Variants in SMIM31 observed in about 807,000 individuals in gnomAD.
SMIM31 encodes the protein human epithelial cell program regulator.
chr4:164,802,564 A>G lies in SMIM31; in HGVS notation c.*1370A>G, dbSNP rs2110972128. 6.6e-6 allele frequency: 1 copy of G among 152,306 alleles called. No homozygotes were observed. The highest frequency in any genetic ancestry group is 3.4e-3 in the Middle Eastern group (1 of 294). 9.4% of individuals were successfully genotyped at this position (152,306 alleles called of 1,614,324 possible). On this transcript the variant is annotated 3_prime_UTR_variant, in exon 3 of 3. Coordinates refer to ENST00000507311, the MANE Select transcript of SMIM31 (RefSeq NM_001352885.1). The stretch of plus-strand genomic sequence containing the variant: ...TATTTATAACTCTTACAAACATTAA[A>G]CCATCACAATCAATGCTGGCAGCAT...
At chr4:164,790,215 T>C (rs72990469) in intron 2 of SMIM31, among the ~76,000 whole-genome samples, 28,242 of 152,176 alleles carry the variant, frequency 0.19, 2,885 homozygotes, top group African/African-American at 0.28. Flanking sequence ...CTATGATGAC[T>C]AAAACACCTA....
rs539114546 is a variant in SMIM31, at chr4:164,766,025, C to T, written c.-25-4394C>T. 1.9e-3 allele frequency among the ~76,000 whole-genome samples: 283 copies of T among 152,202 alleles called. 2 individuals carry two copies. Among genetic ancestry groups the T allele is most frequent in the African/African-American group, 6.5e-3 (269 of 41,526 alleles). ...CAATCATAACAGCACTCAAGGGAGCCGCGAGAGAATGAACGGATGGTGCAC... is the reference window on the plus strand; with the variant it reads ...CAATCATAACAGCACTCAAGGGAGCTGCGAGAGAATGAACGGATGGTGCAC... On this transcript the variant is annotated intron_variant, in intron 1 of 2. Transcript: ENST00000507311.
At chr4:164,772,956 G>A (rs1211489224) in intron 2 of SMIM31, among the ~76,000 whole-genome samples, 2 of 143,716 alleles carry the variant, frequency 1.4e-5, no homozygotes, top group Non-Finnish European at 3.0e-5. Flanking sequence ...CCAGCTTATA[G>A]GACTCCAGAA....
intron 2 of SMIM31, among the ~76,000 whole-genome samples, chr4:164,793,211 G>A (rs1733128994): frequency 6.6e-6 from 1 of 152,188 alleles, no homozygotes; most frequent in African/African-American, 2.4e-5. Context: ...GAGACTAACG[G>A]AGTGAGGAGG....
intron 1 of SMIM31, among the ~76,000 whole-genome samples, chr4:164,759,427 A>G (rs1160413819): frequency 1.3e-5 from 2 of 152,190 alleles, no homozygotes; most frequent in Non-Finnish European, 2.9e-5. Context: ...TATGTTACAT[A>G]TGTTAATTTA....
intron 2 of SMIM31, among the ~76,000 whole-genome samples, chr4:164,794,070 C>T (rs1733143380): frequency 6.6e-6 from 1 of 152,132 alleles, no homozygotes; most frequent in African/African-American, 2.4e-5. Context: ...TTGAAAGCCA[C>T]AATCAACAGG....
chr4:164,775,791 C>A (rs1732873756), intron 2 of SMIM31, among the ~76,000 whole-genome samples: 1 of 152,178 alleles, frequency 6.6e-6, no homozygotes, highest in African/African-American at 2.4e-5. Flanking sequence ...TCATTAGGGG[C>A]TCTAGCTCAG....
intron 1 of SMIM31, among the ~76,000 whole-genome samples, chr4:164,769,370 A>G (rs1238729178): frequency 6.6e-6 from 1 of 152,114 alleles, no homozygotes; most frequent in Admixed American, 6.5e-5. Flanking sequence ...TCCTTTGCTT[A>G]ACCCATTGTA....
At chr4:164,770,104 T>G (rs971457866) in intron 1 of SMIM31, among the ~76,000 whole-genome samples, 2 of 152,230 alleles carry the variant, frequency 1.3e-5, no homozygotes, top group African/African-American at 4.8e-5. Flanking sequence ...AAGTGCTCAT[T>G]GCACGTCAGC....
intron 2 of SMIM31, among the ~76,000 whole-genome samples, chr4:164,778,785 G>T (rs1222112027): frequency 6.6e-6 from 1 of 152,150 alleles, no homozygotes; most frequent in African/African-American, 2.4e-5. Flanking sequence ...TGAGTGTGAA[G>T]ATGGGAACTG....
At chr4:164,758,221 A>G (rs1192673651) in intron 1 of SMIM31, among the ~76,000 whole-genome samples, 3 of 152,156 alleles carry the variant, frequency 2.0e-5, no homozygotes, top group African/African-American at 7.2e-5. Flanking sequence ...GTTTTTCAAT[A>G]TTGACTTTGT....
chr4:164,779,256 C>T (rs116310166), intron 2 of SMIM31, among the ~76,000 whole-genome samples: 5,275 of 152,258 alleles, frequency 0.035, 120 homozygotes, highest in Non-Finnish European at 0.058. Flanking sequence ...ATTTCCGTAG[C>T]GTGTGGCTAA....
intron 2 of SMIM31, among the ~76,000 whole-genome samples, chr4:164,791,565 G>A (rs1329738493): frequency 6.6e-6 from 1 of 152,030 alleles, no homozygotes; most frequent in African/African-American, 2.4e-5. Context: ...CGAACTCCTA[G>A]GCTCAAGCAA....
chr4:164,762,922 C>T (rs1235938641), intron 1 of SMIM31, among the ~76,000 whole-genome samples: 1 of 152,068 alleles, frequency 6.6e-6, no homozygotes, highest in Non-Finnish European at 1.5e-5. Flanking sequence ...TTCATGCTCT[C>T]CTTGGGCAAA....
At chr4:164,758,441 G>A (rs1560822315) in intron 1 of SMIM31, among the ~76,000 whole-genome samples, 1 of 151,958 alleles carries the variant, frequency 6.6e-6, no homozygotes, top group Admixed American at 6.6e-5. Context: ...TTGTTGCTTC[G>A]GGGCAAAGGA....
chr4:164,793,768 G>A (rs1382496651), intron 2 of SMIM31, among the ~76,000 whole-genome samples: 1 of 152,148 alleles, frequency 6.6e-6, no homozygotes, highest in East Asian at 1.9e-4. Context: ...CACACACTAG[G>A]GGTTAGGGCT....
chr4:164,782,527 C>T (rs1732967266), intron 2 of SMIM31, among the ~76,000 whole-genome samples: 1 of 149,628 alleles, frequency 6.7e-6, no homozygotes, highest in South Asian at 2.1e-4. Flanking sequence ...TACAGGCGCC[C>T]CCCACCACGC....
At chr4:164,762,416 T>C (rs537318662) in intron 1 of SMIM31, among the ~76,000 whole-genome samples, 2 of 152,030 alleles carry the variant, frequency 1.3e-5, no homozygotes, top group South Asian at 2.1e-4. Context: ...AATCAAATGA[T>C]TGAAAGTATT....
intron 2 of SMIM31, among the ~76,000 whole-genome samples, chr4:164,795,761 TATTA>T (rs758522500): frequency 1.4e-4 from 22 of 152,158 alleles, no homozygotes; most frequent in Non-Finnish European, 2.9e-4. Context: ...AGAAATCAAG[TATTA>T]ATTATAATCA....
Sources: gnomAD v4.1 joint callset for allele counts (sites outside exome capture counted in the v4.1 genomes callset) on GRCh38, gnomAD v4.1.1 for gene constraint, MANE v1.5 for transcripts, NCBI Gene and HGNC (gene_info 2026-07-23, HGNC 2026-07-21) for gene names.